Variants in PLXDC2 observed in about 807,000 individuals in gnomAD.
PLXDC2 encodes the protein plexin domain-containing protein 2.
In PLXDC2, 40 loss-of-function variants were observed where a neutral mutation model predicts 68.9. The ratio of observed to expected loss-of-function variants is 0.58; its 90% confidence interval spans 0.45 to 0.76. The LOEUF is 0.76. Ranked by LOEUF, PLXDC2 falls within the 30% of genes least tolerant of loss-of-function variation. The pLI, the probability that PLXDC2 is intolerant of heterozygous loss-of-function variation, is 0.00. For missense variants in PLXDC2, 644 were observed against 661.9 expected, an observed-to-expected ratio of 0.97 and a Z score of 0.30; for synonymous variants, 243 against 234.2, an observed-to-expected ratio of 1.04 and a Z score of -0.34.
At chr10:19,945,286 T>C (rs1376945221) in intron 1 of PLXDC2, among the ~76,000 whole-genome samples, 2 of 152,180 alleles carry the variant, frequency 1.3e-5, no homozygotes, top group African/African-American at 2.4e-5. Context: ...TGGCTCCTCA[T>C]TGAGGAGTCT....
chr10:20,059,027 A>G (rs866834677), intron 3 of PLXDC2, among the ~76,000 whole-genome samples: 12 of 152,228 alleles, frequency 7.9e-5, no homozygotes, highest in Non-Finnish European at 1.5e-4. Context: ...CAGTATCAGA[A>G]GTACCAGGAG....
At chr10:19,973,314 A>T (rs375744275) in intron 1 of PLXDC2, among the ~76,000 whole-genome samples, 1 of 136,934 alleles carries the variant, frequency 7.3e-6, no homozygotes, top group Non-Finnish European at 1.6e-5. Context: ...ATATACTCAC[A>T]TATATATGTA....
chr10:19,991,605 C>T (rs555786634), intron 1 of PLXDC2, among the ~76,000 whole-genome samples: 26 of 152,146 alleles, frequency 1.7e-4, no homozygotes, highest in Middle Eastern at 3.4e-3. Context: ...TATTGGCTGT[C>T]GTCTCTGGTC....
chr10:20,249,045 T>G (rs553154500), intron 13 of PLXDC2, among the ~76,000 whole-genome samples: 1 of 152,360 alleles, frequency 6.6e-6, no homozygotes, highest in South Asian at 2.1e-4. Flanking sequence ...GGAATTTTTA[T>G]GTACATAATT....
Position 20,219,096 on chromosome 10 carries a change from A to C in PLXDC2, c.1306A>C (p.Asn436His). The change falls in exon 12 of 14, where the codon AAT becomes CAT. Residue 436 changes from asparagine (N) to histidine (H), a missense_variant. Coordinates refer to ENST00000377252, the MANE Select transcript of PLXDC2 (RefSeq NM_032812.9). ...CAAGATAGCACTACATCTAAAAGATAATGGAGGTAGGAATTGATACTTTTC... is the reference window on the plus strand; with the variant it reads ...CAAGATAGCACTACATCTAAAAGATCATGGAGGTAGGAATTGATACTTTTC... ...DTKIALHLKD[N>H]GASTDDSAAE... 6.2e-7 allele frequency: 1 copy of C among 1,606,102 alleles called. No homozygotes were observed. The highest frequency in any genetic ancestry group is 8.5e-7 in the Non-Finnish European group (1 of 1,175,986).
intron 9 of PLXDC2, among the ~76,000 whole-genome samples, chr10:20,186,676 A>G (rs945324887): frequency 2.6e-5 from 4 of 151,874 alleles, no homozygotes; most frequent in Non-Finnish European, 5.9e-5. Context: ...TTTGGTTTTC[A>G]GTTCCTCGGT....
At chr10:20,243,159 A>G (rs1835540439) in intron 12 of PLXDC2, among the ~76,000 whole-genome samples, 1 of 152,196 alleles carries the variant, frequency 6.6e-6, no homozygotes. Context: ...TTGAGGAGGT[A>G]TTGATCAGAG....
chr10:20,156,490 G>GT (rs1290424496), intron 6 of PLXDC2, among the ~76,000 whole-genome samples: 1 of 152,148 alleles, frequency 6.6e-6, no homozygotes, highest in Non-Finnish European at 1.5e-5. Flanking sequence ...TTCACTCAAA[G>GT]TGTGCACCCT....
chr10:20,060,644 G>C (rs571266398), intron 3 of PLXDC2, among the ~76,000 whole-genome samples: 1 of 152,172 alleles, frequency 6.6e-6, no homozygotes, highest in South Asian at 2.1e-4. Flanking sequence ...TGGTGCATTT[G>C]ATCTGATTAG....
At chr10:19,922,975 G>A (rs1166883967) in intron 1 of PLXDC2, among the ~76,000 whole-genome samples, 2 of 152,040 alleles carry the variant, frequency 1.3e-5, no homozygotes, top group Non-Finnish European at 2.9e-5. Flanking sequence ...AGACTTTTGT[G>A]ATTTCAAAGG....
intron 12 of PLXDC2, among the ~76,000 whole-genome samples, chr10:20,228,666 G>A (rs1389849485): frequency 6.7e-6 from 1 of 150,096 alleles, no homozygotes. Context: ...AGGAAAGAAG[G>A]AAGCAGGAAG....
At chr10:20,122,286 G>A (rs1445621330) in intron 4 of PLXDC2, among the ~76,000 whole-genome samples, 2 of 152,302 alleles carry the variant, frequency 1.3e-5, no homozygotes, top group Non-Finnish European at 2.9e-5. Flanking sequence ...ACAGGCCCTT[G>A]AAAATAAGGT....
At chr10:20,096,806 G>A (rs1258056113) in intron 4 of PLXDC2, among the ~76,000 whole-genome samples, 2 of 152,094 alleles carry the variant, frequency 1.3e-5, no homozygotes, top group African/African-American at 4.8e-5. Context: ...AGATGCATGT[G>A]TTTAGGACAG....
intron 7 of PLXDC2, among the ~76,000 whole-genome samples, chr10:20,176,390 A>G (rs200950870): frequency 9.4e-5 from 14 of 149,438 alleles, no homozygotes; most frequent in South Asian, 2.1e-4. Context: ...TCGCACAGTT[A>G]TGTGTGTGTG....
intron 4 of PLXDC2, among the ~76,000 whole-genome samples, chr10:20,112,992 C>T (rs916488375): frequency 6.6e-6 from 1 of 152,174 alleles, no homozygotes; most frequent in African/African-American, 2.4e-5. Context: ...AGTGTGTGTT[C>T]ATGCATCTTC....
At chr10:20,026,730 C>T (rs1029890011) in intron 2 of PLXDC2, among the ~76,000 whole-genome samples, 2 of 151,310 alleles carry the variant, frequency 1.3e-5, no homozygotes, top group Non-Finnish European at 2.9e-5. Context: ...TTTAATCTTC[C>T]CCAAACTAAA....
intron 2 of PLXDC2, among the ~76,000 whole-genome samples, chr10:20,036,260 G>A (rs769248183): frequency 1.3e-5 from 2 of 152,090 alleles, no homozygotes; most frequent in Non-Finnish European, 2.9e-5. Context: ...CATAAGGGTG[G>A]GGCCCTAATC....
chr10:20,279,955 T>A lies in PLXDC2; in HGVS notation c.*136T>A. ...GCTGTAGCCTGAAGAAGACAAGATT[T>A]CTGGACAAGCTCAGCCCAGGAAACA... On this transcript the variant is annotated 3_prime_UTR_variant, in exon 14 of 14. Coordinates refer to ENST00000377252, the MANE Select transcript of PLXDC2 (RefSeq NM_032812.9). 2 of 681,530 alleles carry A rather than the reference T, an allele frequency of 2.9e-6. No individual in the cohort carries two copies. Among genetic ancestry groups the A allele is most frequent in the East Asian group, 5.1e-5 (2 of 38,918 alleles). The allele number at this position is 681,530 out of a possible 1,614,324, so 42.2% of individuals were successfully genotyped here. A position where few individuals can be genotyped will look rare whatever the true frequency, so the allele number is the denominator to read the frequency against.
intron 1 of PLXDC2, among the ~76,000 whole-genome samples, chr10:19,926,107 C>G (rs1164721915): frequency 6.6e-6 from 1 of 152,106 alleles, no homozygotes; most frequent in East Asian, 1.9e-4. Flanking sequence ...AGAGGTGACA[C>G]AAAATACAGT....
Sources: allele counts gnomAD v4.1 joint callset (sites outside exome capture counted in the v4.1 genomes callset), GRCh38; gene constraint gnomAD v4.1.1; transcripts MANE v1.5; gene names NCBI Gene and HGNC (gene_info 2026-07-23, HGNC 2026-07-21).